Variants in APBB2 observed in about 807,000 individuals in gnomAD.
APBB2 encodes Fe65-like 1.
APBB2 carries 38 observed loss-of-function variants against 82.5 expected under a neutral mutation model. The observed-to-expected ratio is 0.46, with a 90% CI of 0.36 to 0.60. The LOEUF (loss-of-function observed/expected upper bound fraction) is 0.60. Among genes scored for constraint, APBB2 ranks in the 20% least tolerant of loss-of-function variants. The pLI is 0.00. For missense variants in APBB2, 772 were observed against 972.3 expected (o/e 0.79, Z 2.74); for synonymous variants, 341 against 368.2 (o/e 0.93, Z 0.85).
chr4:41,206,848 T>C (rs946652521), intron 1 of APBB2, among the ~76,000 whole-genome samples: 4 of 152,062 alleles, frequency 2.6e-5, no homozygotes, highest in Non-Finnish European at 5.9e-5. Flanking sequence ...AGGACAGAAG[T>C]CTACCTGAGA....
At position 40,881,882 on chromosome 4, in the gene APBB2, CACAG is replaced by C. The variant is rs1347425034; in HGVS notation, c.1529+8478_1529+8481del. Among the ~76,000 whole-genome samples, 3 of 152,238 alleles carry C rather than the reference CACAG, an allele frequency of 2.0e-5. No homozygotes were observed. In the East Asian group the frequency reaches 5.8e-4, roughly 29 times the overall value. On this transcript the variant is annotated intron_variant, in intron 12 of 17. Coordinates refer to ENST00000508593, the MANE Select transcript of APBB2 (RefSeq NM_004307.2). Reference sequence around the variant, plus strand: ...TGTCACCTAAAACACTGCCCTTTATCACAGACAATTTCTAATAATTTAGAAAGGA... The same window carrying C: ...TGTCACCTAAAACACTGCCCTTTATCACAATTTCTAATAATTTAGAAAGGA...
At chr4:41,140,725 C>T (rs1201280660) in intron 2 of APBB2, among the ~76,000 whole-genome samples, 1 of 152,166 alleles carries the variant, frequency 6.6e-6, no homozygotes, top group Non-Finnish European at 1.5e-5. Flanking sequence ...CTGGGCTCTG[C>T]CCCCTGACAG....
In APBB2 at chr4:40,831,441, C is replaced by G. The variant is rs187003985; in HGVS notation, c.1530-864G>C. Reference sequence around the variant, plus strand: ...AAAAAACATAACTTCAAAAGCCAGTCTGTTGAACTCTTGGAATCTCTAACA... The same window carrying G: ...AAAAAACATAACTTCAAAAGCCAGTGTGTTGAACTCTTGGAATCTCTAACA... On this transcript the variant is annotated intron_variant, in intron 12 of 17. Coordinates refer to ENST00000508593, the MANE Select transcript of APBB2 (RefSeq NM_004307.2). Among the ~76,000 whole-genome samples, 11 of 152,204 alleles carry G rather than the reference C, an allele frequency of 7.2e-5. No individual in the cohort carries two copies. In the East Asian group the frequency reaches 1.5e-3, roughly 21 times the overall value.
intron 12 of APBB2, among the ~76,000 whole-genome samples, chr4:40,862,643 G>A (rs1055537442): frequency 1.1e-4 from 17 of 152,180 alleles, no homozygotes; most frequent in Non-Finnish European, 1.9e-4. Context: ...GGTGGATTAC[G>A]AGGTCAGCAG....
intron 2 of APBB2, among the ~76,000 whole-genome samples, chr4:41,110,757 A>G (rs1748916131): frequency 6.6e-6 from 1 of 152,108 alleles, no homozygotes; most frequent in South Asian, 2.1e-4. Flanking sequence ...TGCCCTGGGT[A>G]TAGTATGTTC....
At chr4:40,979,924 T>C (rs769643024) in intron 6 of APBB2, among the ~76,000 whole-genome samples, 17 of 152,232 alleles carry the variant, frequency 1.1e-4, no homozygotes, top group African/African-American at 1.4e-4. Flanking sequence ...AGCTGCTACA[T>C]GTGTCATTAT....
At chr4:40,961,667 TAAAAAAAAAAA>T (rs60942744) in intron 6 of APBB2, among the ~76,000 whole-genome samples, 15 of 68,244 alleles carry the variant, frequency 2.2e-4, no homozygotes, top group East Asian at 2.2e-3. Context: ...AAAAAAGATG[TAAAAAAAAAAA>T]AAAAAAAAAA....
chr4:41,146,095 G>A (rs1760634705), intron 1 of APBB2, among the ~76,000 whole-genome samples: 1 of 152,010 alleles, frequency 6.6e-6, no homozygotes, highest in Non-Finnish European at 1.5e-5. Context: ...GGAGGCTGAA[G>A]CAGGCAGATA....
At chr4:40,978,936 T>TA (rs397821930) in intron 6 of APBB2, among the ~76,000 whole-genome samples, 1 of 151,762 alleles carries the variant, frequency 6.6e-6, no homozygotes, top group East Asian at 1.9e-4. Context: ...ATTTTTTTTT[T>TA]AAAAGAAAAC....
intron 10 of APBB2, among the ~76,000 whole-genome samples, chr4:40,907,379 A>ATATTTTTTTT: frequency 2.7e-5 from 1 of 37,398 alleles, no homozygotes; most frequent in African/African-American, 1.2e-4. Context: ...ATATATATAT[A>ATATTTTTTTT]TTTTTTTTTT....
chr4:40,993,819 C>T (rs2154414620), intron 6 of APBB2, among the ~76,000 whole-genome samples: 1 of 152,246 alleles, frequency 6.6e-6, no homozygotes, highest in Middle Eastern at 3.4e-3. Context: ...ATAATAGGAA[C>T]ACAGCACTTC....
chr4:40,931,375 C>A (rs552561036), intron 10 of APBB2, among the ~76,000 whole-genome samples: 7 of 152,138 alleles, frequency 4.6e-5, no homozygotes, highest in Non-Finnish European at 5.9e-5. Flanking sequence ...ACCTCCCAGG[C>A]TCCTCCCACC....
intron 3 of APBB2, among the ~76,000 whole-genome samples, chr4:41,066,200 C>T (rs1047364306): frequency 4.0e-5 from 6 of 151,690 alleles, no homozygotes; most frequent in African/African-American, 1.5e-4. Context: ...CAATGGACAG[C>T]TCAATGTATT....
chr4:40,918,066 A>C (rs1454786977), intron 10 of APBB2, among the ~76,000 whole-genome samples: 1 of 152,214 alleles, frequency 6.6e-6, no homozygotes, highest in Non-Finnish European at 1.5e-5. Context: ...GAAGGAGAGG[A>C]TGGCAGTTCA....
chr4:40,972,033 C>CA (rs1796048491), intron 6 of APBB2, among the ~76,000 whole-genome samples: 1 of 152,076 alleles, frequency 6.6e-6, no homozygotes, highest in Admixed American at 6.6e-5. Context: ...GTGCTCTCAA[C>CA]AAAAAATAAA....
intron 3 of APBB2, among the ~76,000 whole-genome samples, chr4:41,078,702 T>C (rs749021325): frequency 1.3e-5 from 2 of 152,186 alleles, no homozygotes; most frequent in Non-Finnish European, 2.9e-5. Flanking sequence ...TAACCACAGC[T>C]TCATATGGAT....
intron 12 of APBB2, among the ~76,000 whole-genome samples, chr4:40,851,738 ATTTTTTTTTTT>A (rs869027470): frequency 1.3e-4 from 9 of 67,740 alleles, no homozygotes; most frequent in African/African-American, 3.4e-4. Flanking sequence ...ATATATATAT[ATTTTTTTTTTT>A]TTTTTTTTTC....
At chr4:41,084,445 A>G (rs1416636951) in intron 3 of APBB2, among the ~76,000 whole-genome samples, 2 of 152,240 alleles carry the variant, frequency 1.3e-5, no homozygotes, top group African/African-American at 4.8e-5. Context: ...AAAGAAAAAA[A>G]AAGAAATGGC....
chr4:40,987,189 G>T (rs1029812781), intron 6 of APBB2, among the ~76,000 whole-genome samples: 19 of 151,378 alleles, frequency 1.3e-4, no homozygotes, highest in African/African-American at 4.6e-4. Context: ...AAAAGAAAGG[G>T]TTCAAAGTTA....
Sources: allele counts gnomAD v4.1 joint callset (sites outside exome capture counted in the v4.1 genomes callset), GRCh38; gene constraint gnomAD v4.1.1; transcripts MANE v1.5; gene names NCBI Gene and HGNC (gene_info 2026-07-23, HGNC 2026-07-21).